COLEC12: variants seen among roughly 807,000 people sequenced by gnomAD.
COLEC12 encodes collectin-12.
COLEC12 carries 33 observed loss-of-function variants against 71.1 expected under a neutral mutation model. The observed-to-expected ratio is 0.46, with a 90% CI of 0.35 to 0.62. The LOEUF is 0.62. Among genes scored for constraint, COLEC12 ranks in the 20% least tolerant of loss-of-function variants. The pLI, the probability that COLEC12 is intolerant of heterozygous loss-of-function variation, is 0.00. For missense variants in COLEC12, 765 were observed against 916.1 expected, an observed-to-expected ratio of 0.84 and a Z score of 2.13; for synonymous variants, 350 against 353.0, an observed-to-expected ratio of 0.99 and a Z score of 0.10.
intron 2 of COLEC12, among the ~76,000 whole-genome samples, chr18:443,732 T>C (rs867953429): frequency 3.3e-5 from 5 of 152,290 alleles, no homozygotes; most frequent in African/African-American, 1.2e-4. Context: ...AGCATATTTG[T>C]CCCCACCCAA....
intron 5 of COLEC12, among the ~76,000 whole-genome samples, chr18:340,944 C>G (rs1419743403): frequency 6.6e-6 from 1 of 152,204 alleles, no homozygotes; most frequent in Non-Finnish European, 1.5e-5. Context: ...TGTCCATGGT[C>G]TGCTTCTGAG....
intron 5 of COLEC12, among the ~76,000 whole-genome samples, chr18:343,972 C>T (rs997034329): frequency 6.6e-6 from 1 of 152,226 alleles, no homozygotes; most frequent in Non-Finnish European, 1.5e-5. Flanking sequence ...CCTTCAAATA[C>T]TAGCTTTTCA....
intron 2 of COLEC12, among the ~76,000 whole-genome samples, chr18:414,914 A>G (rs958607217): frequency 4.6e-5 from 7 of 152,206 alleles, no homozygotes; most frequent in African/African-American, 1.7e-4. Flanking sequence ...AAAACTGTGC[A>G]ATCACCTGCA....
At chr18:449,903 C>T (rs2127640) in intron 2 of COLEC12, among the ~76,000 whole-genome samples, 34,358 of 152,160 alleles carry the variant, frequency 0.23, 3,904 homozygotes, top group East Asian at 0.28. Flanking sequence ...AGGTGTTGGA[C>T]CTGTGTCATC....
At chr18:413,337 C>A (rs1207195854) in intron 2 of COLEC12, among the ~76,000 whole-genome samples, 1 of 152,172 alleles carries the variant, frequency 6.6e-6, no homozygotes, top group Non-Finnish European at 1.5e-5. Flanking sequence ...ACATAAAAAA[C>A]GGTGACCCCA....
At chr18:436,982 T>C (rs1204862083) in intron 2 of COLEC12, among the ~76,000 whole-genome samples, 1 of 152,224 alleles carries the variant, frequency 6.6e-6, no homozygotes, top group Non-Finnish European at 1.5e-5. Flanking sequence ...GTCTAGTTCA[T>C]AACACACAAT....
chr18:428,033 G>A (rs1567905007), intron 2 of COLEC12, among the ~76,000 whole-genome samples: 3 of 152,156 alleles, frequency 2.0e-5, no homozygotes, highest in African/African-American at 7.2e-5. Flanking sequence ...GGGAGGATGA[G>A]GCAGGCAGAT....
rs1914365177 is a variant in COLEC12, at chr18:346,158, A to T, written c.1327+137T>A. ...AACAGTGAGTCAGGACCATCTAGCT[A>T]AGCTGCTCTTGAATTCCTGGTCCAC... On this transcript the variant is annotated intron_variant, in intron 5 of 9. Transcript: ENST00000400256. The surrounding 1 kb of genome is among the most constrained non-coding windows in gnomAD (Gnocchi z 4.0). 1 of 663,338 alleles carries T rather than the reference A, an allele frequency of 1.5e-6. No homozygotes were observed. The allele number at this position is 663,338 out of a possible 1,614,324, so 41.1% of individuals were successfully genotyped here. A position where few individuals can be genotyped will look rare whatever the true frequency, so the allele number is the denominator to read the frequency against.
At chr18:406,495 G>A (rs34059799) in intron 2 of COLEC12, among the ~76,000 whole-genome samples, 16,649 of 116,978 alleles carry the variant, frequency 0.14, 1,049 homozygotes, top group Middle Eastern at 0.26. Flanking sequence ...CGGCCTGGAC[G>A]ACAGAGCGAG....
chr18:464,856 T>C (rs965113322), intron 2 of COLEC12, among the ~76,000 whole-genome samples: 11 of 152,170 alleles, frequency 7.2e-5, no homozygotes, highest in African/African-American at 2.7e-4. Context: ...CTATTGAGAG[T>C]TAGCAGGTTC....
chr18:331,603 G>C, intron 8 of COLEC12, 65 bp downstream of exon 8: 1 of 1,043,994 alleles, frequency 9.6e-7, no homozygotes, highest in Non-Finnish European at 1.5e-6. Context: ...GTTGGGAGTC[G>C]GGCAAGAAGT....
At chr18:431,391 C>T (rs72863574) in intron 2 of COLEC12, among the ~76,000 whole-genome samples, 8,096 of 152,178 alleles carry the variant, frequency 0.053, 426 homozygotes, top group African/African-American at 0.13. Flanking sequence ...TGAAAGACTC[C>T]TCAGGACAAG....
At chr18:345,889 T>A (rs1433470524) in intron 5 of COLEC12, among the ~76,000 whole-genome samples, 1 of 152,248 alleles carries the variant, frequency 6.6e-6, no homozygotes, top group African/African-American at 2.4e-5. Context: ...GATGTGATGG[T>A]GTGTGGCTTC....
At chr18:437,130 GC>G (rs1024015606) in intron 2 of COLEC12, among the ~76,000 whole-genome samples, 2 of 152,168 alleles carry the variant, frequency 1.3e-5, no homozygotes, top group African/African-American at 4.8e-5. Flanking sequence ...GGCTGTCTTG[GC>G]CCAACCAAGG....
chr18:360,614 T>C (rs1914724256), intron 2 of COLEC12, among the ~76,000 whole-genome samples: 1 of 152,188 alleles, frequency 6.6e-6, no homozygotes, highest in Non-Finnish European at 1.5e-5. Flanking sequence ...ACACATCACA[T>C]TGTTGAAATG....
At chr18:383,663 C>T (rs1915282311) in intron 2 of COLEC12, among the ~76,000 whole-genome samples, 1 of 152,160 alleles carries the variant, frequency 6.6e-6, no homozygotes, top group South Asian at 2.1e-4. Context: ...CCTAACTGCC[C>T]CCTACCCACT....
At chr18:496,267 C>A (rs1354332066) in intron 1 of COLEC12, among the ~76,000 whole-genome samples, 1 of 152,124 alleles carries the variant, frequency 6.6e-6, no homozygotes, top group Non-Finnish European at 1.5e-5. Context: ...GTGGATGAGC[C>A]ACATGGCAAA....
In COLEC12 at chr18:327,005, C is replaced by G. The variant is rs1349959724; in HGVS notation, c.2063+4663G>C. On this transcript the variant is annotated intron_variant, in intron 8 of 9. Coordinates refer to ENST00000400256, the MANE Select transcript of COLEC12 (RefSeq NM_130386.3). The surrounding 1 kb of genome is among the most constrained non-coding windows in gnomAD (Gnocchi z 4.0). ...TCACTCATACTGCTGCCCCCACACT[C>G]CAGAAAAGATCCTGCAGGCCAGCAC... is the stretch of plus-strand genomic sequence containing the variant. Among the ~76,000 whole-genome samples, 1 of 152,190 alleles carries G rather than the reference C, an allele frequency of 6.6e-6. No individual in the cohort carries two copies. Among genetic ancestry groups the G allele is most frequent in the Non-Finnish European group, 1.5e-5 (1 of 68,038 alleles).
At chr18:412,185 C>T (rs980885057) in intron 2 of COLEC12, among the ~76,000 whole-genome samples, 2 of 151,962 alleles carry the variant, frequency 1.3e-5, no homozygotes, top group Admixed American at 1.3e-4. Context: ...CTTCCAAAAA[C>T]AAAGGACAAA....
Sources: allele counts gnomAD v4.1 joint callset (sites outside exome capture counted in the v4.1 genomes callset), GRCh38; gene constraint gnomAD v4.1.1; non-coding constraint Gnocchi (gnomAD v3.1); transcripts MANE v1.5; gene names NCBI Gene and HGNC (gene_info 2026-07-23, HGNC 2026-07-21).